Variants in NCKAP5 observed in about 807,000 individuals in gnomAD.
NCKAP5 encodes the protein nck-associated protein 5.
Under a neutral mutation model 167.0 loss-of-function variants are expected in NCKAP5, and 92 were observed. The ratio of observed to expected loss-of-function variants is 0.55; its 90% CI spans 0.47 to 0.66. The LOEUF (loss-of-function observed/expected upper bound fraction) is 0.66, where lower values mean the gene tolerates loss of function less well. NCKAP5 is among the 30% of genes least tolerant of loss of function. The pLI, the probability that NCKAP5 is intolerant of heterozygous loss-of-function variation, is 0.00. For synonymous variants in NCKAP5, 891 were observed against 877.4 expected, an observed-to-expected ratio of 1.02 and a Z score of -0.27; for missense variants, 2,378 against 2,315.0, an observed-to-expected ratio of 1.03 and a Z score of -0.56.
chr2:133,561,568 C>T (rs1429921400), intron 1 of NCKAP5, among the ~76,000 whole-genome samples: 1 of 152,088 alleles, frequency 6.6e-6, no homozygotes, highest in African/African-American at 2.4e-5. Flanking sequence ...GACTATAAAA[C>T]CAAGTTATGA....
intron 3 of NCKAP5, among the ~76,000 whole-genome samples, chr2:133,445,913 G>A (rs928043056): frequency 1.3e-5 from 2 of 152,198 alleles, no homozygotes; most frequent in Non-Finnish European, 2.9e-5. Context: ...CTTATTGCTG[G>A]ACCAAGGGAT....
At chr2:133,633,588 C>G in the NCKAP5 span, among the ~76,000 whole-genome samples, 1 of 152,162 alleles carries the variant, frequency 6.6e-6, no homozygotes, top group Non-Finnish European at 1.5e-5. Flanking sequence ...ATGAAGGTAG[C>G]CTTCATGAAG....
intron 2 of NCKAP5, among the ~76,000 whole-genome samples, chr2:133,518,396 C>G (rs1684199333): frequency 8.1e-6 from 1 of 123,924 alleles, no homozygotes; most frequent in South Asian, 2.9e-4. Context: ...GCTCTGTCAC[C>G]CAGGCTGGAG....
chr2:133,095,577 C>T (rs753981582), intron 6 of NCKAP5, among the ~76,000 whole-genome samples: 2 of 152,218 alleles, frequency 1.3e-5, no homozygotes, highest in Non-Finnish European at 2.9e-5. Flanking sequence ...CAGCCCCCAG[C>T]CAAGCTTCAG....
chr2:132,826,644 T>C lies in NCKAP5; in HGVS notation c.808-29915A>G, dbSNP rs567179216. Among the ~76,000 whole-genome samples, 4 of 152,286 alleles carry C rather than the reference T, an allele frequency of 2.6e-5. No homozygotes were observed. In the South Asian group the frequency reaches 8.3e-4, roughly 32 times the overall value. ...ACTTTCATGTTTAATAGAAAAATAT[T>C]AGCTCACATTTGCTACAGAAGGAGT... On this transcript the variant is annotated intron_variant, in intron 11 of 19. Coordinates refer to ENST00000409261, the MANE Select transcript of NCKAP5 (RefSeq NM_207363.3).
At chr2:133,415,798 G>C (rs1229180941) in intron 3 of NCKAP5, among the ~76,000 whole-genome samples, 1 of 152,186 alleles carries the variant, frequency 6.6e-6, no homozygotes, top group Non-Finnish European at 1.5e-5. Context: ...TGAGGCTTTT[G>C]AAAACAACTA....
At chr2:133,164,263 T>G (rs1259059766) in intron 5 of NCKAP5, among the ~76,000 whole-genome samples, 2 of 152,214 alleles carry the variant, frequency 1.3e-5, no homozygotes, top group African/African-American at 2.4e-5. Context: ...TATAAAAAGT[T>G]ATTTATCCAA....
At chr2:133,600,684 G>A in the NCKAP5 span, among the ~76,000 whole-genome samples, 1 of 152,354 alleles carries the variant, frequency 6.6e-6, no homozygotes, top group Admixed American at 6.5e-5. Context: ...AGGAAGCAGC[G>A]GAGAAAGTTC....
intron 14 of NCKAP5, among the ~76,000 whole-genome samples, chr2:132,781,560 A>G (rs1574184580): frequency 6.6e-6 from 1 of 152,224 alleles, no homozygotes; most frequent in Non-Finnish European, 1.5e-5. Context: ...GTTTCCAAGT[A>G]TATGTTTGCT....
chr2:132,800,737 C>T (rs1684959029), intron 11 of NCKAP5, among the ~76,000 whole-genome samples: 1 of 152,156 alleles, frequency 6.6e-6, no homozygotes, highest in Non-Finnish European at 1.5e-5. Context: ...CTCTAACCCA[C>T]AGTGGATTCC....
Position 133,476,155 on chromosome 2 carries a change from CAG to C in NCKAP5, c.69+41301_69+41302del, listed in dbSNP as rs1679865976. ...TTAAAAGTTTTCGAATTAATTTTAACAGAGGTTTTGTTGAGCCCTGAAGGGTC... is the reference window on the plus strand; with the variant it reads ...TTAAAAGTTTTCGAATTAATTTTAACAGGTTTTGTTGAGCCCTGAAGGGTC... On this transcript the variant is annotated intron_variant, in intron 3 of 19. Transcript: ENST00000409261. 2.6e-5 allele frequency among the ~76,000 whole-genome samples: 4 copies of C among 152,286 alleles called. No homozygotes were observed. In the South Asian group the frequency reaches 8.3e-4, roughly 32 times the overall value.
chr2:133,252,334 T>C (rs1428780999), intron 4 of NCKAP5, among the ~76,000 whole-genome samples: 1 of 152,222 alleles, frequency 6.6e-6, no homozygotes, highest in East Asian at 1.9e-4. Flanking sequence ...CATGTTCGTT[T>C]GGATGTAACC....
intron 6 of NCKAP5, among the ~76,000 whole-genome samples, chr2:133,110,982 C>A (rs760751037): frequency 1.3e-5 from 2 of 152,132 alleles, no homozygotes; most frequent in Non-Finnish European, 2.9e-5. Context: ...AAATAGTGTT[C>A]TGGTGTCTCT....
intron 11 of NCKAP5, among the ~76,000 whole-genome samples, chr2:132,797,314 G>A (rs930051101): frequency 5.3e-5 from 8 of 152,112 alleles, no homozygotes; most frequent in Non-Finnish European, 8.8e-5. Context: ...TAATATTCAC[G>A]TGCTGTTCAA....
Position 133,172,143 on chromosome 2 carries a change from C to T in NCKAP5, c.207+41573G>A, listed in dbSNP as rs191269751. On this transcript the variant is annotated intron_variant, in intron 5 of 19. Transcript: ENST00000409261. ...ATCATTAAGCCAAAAATGTAGATAA[C>T]CTTACAAATGGCGTAAAATATCTAT... Among the ~76,000 whole-genome samples, 208 of 152,258 alleles carry T rather than the reference C, an allele frequency of 1.4e-3. 3 individuals carry two copies. Among genetic ancestry groups the T allele is most frequent in the Admixed American group, 4.1e-3 (62 of 15,298 alleles).
chr2:133,353,749 AGCTG>A (rs1325950638), intron 3 of NCKAP5, among the ~76,000 whole-genome samples: 4 of 152,342 alleles, frequency 2.6e-5, no homozygotes, highest in South Asian at 4.1e-4. Flanking sequence ...TGAGAGGCTC[AGCTG>A]GGGATAGTCA....
In NCKAP5 at chr2:133,145,073, C is replaced by G. The variant is rs16857260; in HGVS notation, c.208-14962G>C. Among the ~76,000 whole-genome samples the G allele has an allele frequency of 6.1e-3, 931 of 151,970 alleles. 16 individuals are homozygous for G. The highest frequency in any genetic ancestry group is 0.021 in the African/African-American group (881 of 41,466). On this transcript the variant is annotated intron_variant, in intron 5 of 19. Transcript: ENST00000409261. ...GATTTAATGTTGACAGATGCTAACA[C>G]CTTTAAATGCTTTTCTATTTTCTCA... is the stretch of plus-strand genomic sequence containing the variant.
intron 4 of NCKAP5, among the ~76,000 whole-genome samples, chr2:133,285,201 T>C (rs2090063517): frequency 6.6e-6 from 1 of 152,216 alleles, no homozygotes; most frequent in Non-Finnish European, 1.5e-5. Context: ...AGACCACATC[T>C]GACAGTGGTC....
chr2:132,741,284 A>T (rs960620193), intron 16 of NCKAP5, among the ~76,000 whole-genome samples: 1 of 151,996 alleles, frequency 6.6e-6, no homozygotes, highest in Non-Finnish European at 1.5e-5. Flanking sequence ...TTATCGCTAT[A>T]CTCTTGTCAC....
Sources: allele counts gnomAD v4.1 joint callset (sites outside exome capture counted in the v4.1 genomes callset), GRCh38; gene constraint gnomAD v4.1.1; transcripts MANE v1.5; gene names NCBI Gene and HGNC (gene_info 2026-07-23, HGNC 2026-07-21).